The following TULP4 variants were observed in gnomAD, a reference collection of about 807,000 sequenced individuals.
The protein encoded by TULP4 is TUB like protein 4.
TULP4 carries 16 observed loss-of-function variants against 129.0 expected under a neutral mutation model. The ratio of observed to expected loss-of-function variants is 0.12; its 90% CI spans 0.08 to 0.19. The LOEUF is 0.19. TULP4 is among the 10% of genes least tolerant of loss of function. TULP4 has a pLI of 1.00. For synonymous variants in TULP4, 998 were observed against 854.0 expected (o/e 1.17, Z -2.94); for missense variants, 1,842 against 2,059.1 (o/e 0.89, Z 2.04).
chr6:158,492,067 C>G (rs1449518018), intron 9 of TULP4, among the ~76,000 whole-genome samples: 1 of 152,110 alleles, frequency 6.6e-6, no homozygotes, highest in Non-Finnish European at 1.5e-5. Flanking sequence ...ACCATATTGG[C>G]CAGGATGGTC....
At chr6:158,260,658 G>T (rs1351927379) in intron 1 of TULP4, among the ~76,000 whole-genome samples, 2 of 152,034 alleles carry the variant, frequency 1.3e-5, no homozygotes, top group African/African-American at 4.8e-5. Flanking sequence ...CGCCTAGGCA[G>T]AGTGAGGGGA....
intron 1 of TULP4, among the ~76,000 whole-genome samples, chr6:158,357,238 A>G (rs914565900): frequency 2.6e-4 from 39 of 152,294 alleles, no homozygotes; most frequent in African/African-American, 7.9e-4. Flanking sequence ...TTTGTCTAGA[A>G]ATGAGAGCCT....
rs368255004 is a variant in TULP4 at position 158,380,484 on chromosome 6, G to C, written c.253-32581G>C. ...GGGTTTTGTGTGTACTGAAGGGCAG[G>C]GCAATGTGGTAAAGGTTATTTGCAT... On this transcript the variant is annotated intron_variant, in intron 1 of 13. Transcript: ENST00000367097. Among the ~76,000 whole-genome samples the C allele has an allele frequency of 2.0e-5, 3 of 152,166 alleles. No individual in the cohort carries two copies. The South Asian group carries it at 6.2e-4, about 32-fold the overall frequency.
intron 1 of TULP4, among the ~76,000 whole-genome samples, chr6:158,409,470 G>A (rs1778041570): frequency 6.6e-6 from 1 of 152,132 alleles, no homozygotes; most frequent in African/African-American, 2.4e-5. Context: ...CTTGAAAAGG[G>A]AAGGGAAGCT....
intron 8 of TULP4, among the ~76,000 whole-genome samples, chr6:158,485,338 T>G (rs1234030607): frequency 6.6e-6 from 1 of 152,192 alleles, no homozygotes; most frequent in African/African-American, 2.4e-5. Flanking sequence ...ACTATTCATA[T>G]TGCAAAAAAT....
Position 158,313,265 on chromosome 6 carries a change from C to A in TULP4, c.-752C>A. 2.6e-6 allele frequency: 1 copy of A among 377,624 alleles called. No homozygotes were observed. Among genetic ancestry groups the A allele is most frequent in the Non-Finnish European group, 4.7e-6 (1 of 213,720 alleles). 23.4% of individuals were successfully genotyped at this position (377,624 alleles called of 1,614,324 possible). A position where few individuals can be genotyped will look rare whatever the true frequency, so the allele number is the denominator to read the frequency against. ...GAGCAGTCCGATGGAGCCCTGCGTT[C>A]CCCGGGGACACAGGGCCAAGCTTTG... On this transcript the variant is annotated 5_prime_UTR_variant, in exon 1 of 14. Coordinates refer to ENST00000367097, the MANE Select transcript of TULP4 (RefSeq NM_020245.5).
intron 1 of TULP4, among the ~76,000 whole-genome samples, chr6:158,371,514 A>G (rs1777069310): frequency 6.6e-6 from 1 of 152,158 alleles, no homozygotes; most frequent in South Asian, 2.1e-4. Context: ...TATGAAGTGC[A>G]CTGCCTGTCG....
At chr6:158,414,139 T>C (rs1040432152) in intron 2 of TULP4, among the ~76,000 whole-genome samples, 3 of 152,228 alleles carry the variant, frequency 2.0e-5, no homozygotes, top group Admixed American at 1.3e-4. Flanking sequence ...CTGTAAGATA[T>C]CATCACAGAA....
intron 1 of TULP4, among the ~76,000 whole-genome samples, chr6:158,260,170 C>T (rs1229489416): frequency 6.6e-6 from 1 of 152,168 alleles, no homozygotes; most frequent in Non-Finnish European, 1.5e-5. Context: ...CCTCTGTCAC[C>T]TCATTAGTGC....
intron 6 of TULP4, among the ~76,000 whole-genome samples, chr6:158,470,894 G>A (rs1018605198): frequency 6.6e-6 from 1 of 152,200 alleles, no homozygotes; most frequent in African/African-American, 2.4e-5. Flanking sequence ...AGAAGTTGAG[G>A]CAGCACATGT....
At chr6:158,448,182 GTAC>G (rs1779093786) in intron 3 of TULP4, among the ~76,000 whole-genome samples, 1 of 152,272 alleles carries the variant, frequency 6.6e-6, no homozygotes, top group African/African-American at 2.4e-5. Context: ...CTCTGGCCAT[GTAC>G]CTGTCTGTAT....
intron 9 of TULP4, among the ~76,000 whole-genome samples, chr6:158,491,445 TC>T (rs762287592): frequency 0.28 from 16,187 of 58,120 alleles, 1,408 homozygotes; most frequent in East Asian, 0.45. Flanking sequence ...TTCTTTCTTT[TC>T]TTTCTTTCTT....
chr6:158,449,326 AAGGT>A (rs1454549972), intron 4 of TULP4, 150 bp downstream of exon 4: 2 of 743,614 alleles, frequency 2.7e-6, no homozygotes, highest in Non-Finnish European at 4.2e-6. Flanking sequence ...GCTGAAATGC[AAGGT>A]AGGGCTGGCC....
At chr6:158,236,277 T>C (rs1777697313) in intron 1 of TULP4, among the ~76,000 whole-genome samples, 2 of 152,204 alleles carry the variant, frequency 1.3e-5, no homozygotes, top group South Asian at 4.1e-4. Flanking sequence ...TTTCAGTGTC[T>C]GTATAGTGAA....
intron 1 of TULP4, among the ~76,000 whole-genome samples, chr6:158,269,718 T>C (rs1778512110): frequency 6.6e-6 from 1 of 152,242 alleles, no homozygotes; most frequent in African/African-American, 2.4e-5. Flanking sequence ...GCAAAAGCAA[T>C]GTCCAACATT....
intron 3 of TULP4, among the ~76,000 whole-genome samples, chr6:158,440,553 G>C (rs1778868711): frequency 6.6e-6 from 1 of 152,120 alleles, no homozygotes. Flanking sequence ...ATCTGCCCAT[G>C]ACTTTTTAGT....
At chr6:158,307,366 A>C (rs1407169498) in intron 1 of TULP4, among the ~76,000 whole-genome samples, 1 of 152,234 alleles carries the variant, frequency 6.6e-6, no homozygotes, top group East Asian at 1.9e-4. Flanking sequence ...ACCACACTAA[A>C]ATTCAACAAG....
chr6:158,326,568 A>G (rs763555675), intron 1 of TULP4, among the ~76,000 whole-genome samples: 14 of 152,222 alleles, frequency 9.2e-5, no homozygotes, highest in Non-Finnish European at 1.6e-4. Context: ...CTAAGAAAGT[A>G]TTTGTAAGTC....
chr6:158,239,348 G>A (rs1370698201), intron 1 of TULP4, among the ~76,000 whole-genome samples: 8 of 64,568 alleles, frequency 1.2e-4, no homozygotes, highest in South Asian at 5.8e-4. Flanking sequence ...GGGGCGGCTG[G>A]CCGGGCAGGG....
Sources: gnomAD v4.1 joint callset for allele counts (sites outside exome capture counted in the v4.1 genomes callset) on GRCh38, gnomAD v4.1.1 for gene constraint, MANE v1.5 for transcripts, NCBI Gene and HGNC (gene_info 2026-07-23, HGNC 2026-07-21) for gene names.